Variants in GNG2 observed in about 807,000 individuals in gnomAD.
GNG2 encodes the protein G protein subunit gamma 2.
GNG2 carries 5 observed loss-of-function variants against 5.5 expected under a neutral mutation model. That is an observed-to-expected ratio of 0.91 (90% CI 0.48 to 1.92). GNG2 has a LOEUF of 1.92. Among genes scored for constraint, GNG2 ranks in the 30% most tolerant of loss-of-function variants. GNG2 has a pLI of 0.01. For missense variants in GNG2, 55 were observed against 88.4 expected (o/e 0.62, Z 1.52); for synonymous variants, 28 against 32.0 (o/e 0.88, Z 0.42).
At chr14:51,906,419 C>A (rs566038615) in intron 2 of GNG2, among the ~76,000 whole-genome samples, 1 of 152,226 alleles carries the variant, frequency 6.6e-6, no homozygotes, top group African/African-American at 2.4e-5. Flanking sequence ...AATCAATTTA[C>A]TGAGTTTTTA....
chr14:51,836,092 G>C (rs1340830396), intron 2 of GNG2, among the ~76,000 whole-genome samples: 1 of 151,528 alleles, frequency 6.6e-6, no homozygotes, highest in East Asian at 1.9e-4. Flanking sequence ...TCTCTTCCTA[G>C]TTTGCGGAAG....
intron 2 of GNG2, among the ~76,000 whole-genome samples, chr14:51,879,082 A>C (rs1201660282): frequency 6.6e-6 from 1 of 152,226 alleles, no homozygotes; most frequent in East Asian, 1.9e-4. Context: ...CTCTAGGGAG[A>C]CGTTGTGAAC....
At position 51,872,587 on chromosome 14, in the gene GNG2, A is replaced by C. The variant is rs568315433; in HGVS notation, c.-70-5030A>C. Among the ~76,000 whole-genome samples, 357 of 152,346 alleles carry C rather than the reference A, an allele frequency of 2.3e-3. 2 individuals are homozygous for C. The highest frequency in any genetic ancestry group is 6.8e-3 in the Middle Eastern group (2 of 294). On this transcript the variant is annotated intron_variant, in intron 1 of 3. Coordinates refer to ENST00000556766, the MANE Select transcript of GNG2 (RefSeq NM_053064.5). ...TTCCCTCTCACTGACAGCCTTACCC[A>C]GAATGGTGCCTTGTGAAGCAAAGGA...
chr14:51,896,877 A>G lies in GNG2; in HGVS notation c.-30+19220A>G, dbSNP rs182872753. Among the ~76,000 whole-genome samples the G allele has an allele frequency of 2.7e-3, 409 of 152,330 alleles. 2 individuals carry two copies. The highest frequency in any genetic ancestry group is 9.5e-3 in the African/African-American group (393 of 41,578). On this transcript the variant is annotated intron_variant, in intron 2 of 3. Transcript: ENST00000556766. ...TATAAGGCAGGATTATAATACATGA[A>G]CTAAAATCATAAGGAAATAGAATAA...
chr14:51,951,873 C>G (rs908386753), intron 3 of GNG2: 1 of 702,076 alleles, frequency 1.4e-6, no homozygotes, highest in South Asian at 1.5e-5. Context: ...TATTTATTCT[C>G]TGGTGTTTCA....
rs533027456 is a variant in GNG2, at chr14:51,904,154, A to G, written c.-30+26497A>G. Among the ~76,000 whole-genome samples the G allele has an allele frequency of 1.1e-4, 16 of 152,336 alleles. No homozygotes were observed. In the South Asian group the frequency reaches 3.3e-3, roughly 32 times the overall value. On this transcript the variant is annotated intron_variant, in intron 2 of 3. Coordinates refer to ENST00000556766, the MANE Select transcript of GNG2 (RefSeq NM_053064.5). ...CTATTGGATGCAAACACCACAGCTC[A>G]CACAGCCGACACCTGACCCTGGGTG...
intron 2 of GNG2, among the ~76,000 whole-genome samples, chr14:51,830,622 A>G (rs142200740): frequency 6.6e-6 from 1 of 152,232 alleles, no homozygotes; most frequent in Non-Finnish European, 1.5e-5. Context: ...CAGACTCTAC[A>G]TTGAATCCAT....
chr14:51,949,967 T>G (rs550177428), intron 2 of GNG2, among the ~76,000 whole-genome samples: 9 of 152,280 alleles, frequency 5.9e-5, no homozygotes, highest in Non-Finnish European at 1.0e-4. Flanking sequence ...TCTCAAACCC[T>G]GGCCTCAAGG....
intron 2 of GNG2, chr14:51,918,534 T>G (rs555691604): frequency 2.0e-5 from 3 of 152,242 alleles, no homozygotes; most frequent in Non-Finnish European, 4.4e-5. Context: ...GTGACCTCCA[T>G]GAGAGAATAC....
Position 51,881,424 on chromosome 14 carries a change from C to G in GNG2, c.-30+3767C>G, listed in dbSNP as rs78104807. Among the ~76,000 whole-genome samples the G allele has an allele frequency of 1.6e-3, 242 of 152,128 alleles. 6 individuals carry two copies. The East Asian group carries it at 0.025, about 16-fold the overall frequency. Reference sequence around the variant, plus strand: ...CAGCGGTGGAGCATGAGCCACTTACCCCCATGTAAAGTTGCTACATCTGGG... The same window carrying G: ...CAGCGGTGGAGCATGAGCCACTTACGCCCATGTAAAGTTGCTACATCTGGG... On this transcript the variant is annotated intron_variant, in intron 2 of 3. Coordinates refer to ENST00000556766, the MANE Select transcript of GNG2 (RefSeq NM_053064.5).
chr14:51,949,965 C>A (rs989089249), intron 2 of GNG2, among the ~76,000 whole-genome samples: 1 of 152,088 alleles, frequency 6.6e-6, no homozygotes, highest in Admixed American at 6.5e-5. Flanking sequence ...ACTCTCAAAC[C>A]CTGGCCTCAA....
chr14:51,831,058 G>C (rs1473347619), intron 2 of GNG2, among the ~76,000 whole-genome samples: 2 of 152,150 alleles, frequency 1.3e-5, no homozygotes, highest in Admixed American at 6.5e-5. Context: ...CCAGCCTCAA[G>C]TCCTTTGTAT....
chr14:51,872,897 C>G (rs1399897492), intron 1 of GNG2, among the ~76,000 whole-genome samples: 1 of 152,166 alleles, frequency 6.6e-6, no homozygotes, highest in Non-Finnish European at 1.5e-5. Context: ...TTTTATAACA[C>G]TTTACATGTG....
chr14:51,966,231 A>AAAAAAAAAAAAAAAAAG (rs61013183), intron 3 of GNG2, among the ~76,000 whole-genome samples: 31 of 108,576 alleles, frequency 2.9e-4, no homozygotes, highest in Non-Finnish European at 4.8e-4. Context: ...AAAAAAAAAA[A>AAAAAAAAAAAAAAAAAG]AAAAAACAAA....
chr14:51,947,125 T>C (rs568869975), intron 2 of GNG2, among the ~76,000 whole-genome samples: 3 of 152,280 alleles, frequency 2.0e-5, no homozygotes, highest in South Asian at 4.2e-4. Flanking sequence ...ATTTCTAGAC[T>C]ACTGCCCCAT....
chr14:51,870,371 A>G (rs1282818082), intron 1 of GNG2, among the ~76,000 whole-genome samples: 1 of 152,254 alleles, frequency 6.6e-6, no homozygotes, highest in African/African-American at 2.4e-5. Flanking sequence ...TCTAAACAAA[A>G]TATTCCAGAA....
At chr14:51,932,100 A>G (rs1185978575) in intron 2 of GNG2, among the ~76,000 whole-genome samples, 2 of 152,102 alleles carry the variant, frequency 1.3e-5, no homozygotes, top group African/African-American at 4.8e-5. Flanking sequence ...AGAAAAAATT[A>G]GCTGGGCATG....
At chr14:51,939,099 G>C (rs1594939798) in intron 2 of GNG2, among the ~76,000 whole-genome samples, 2 of 151,910 alleles carry the variant, frequency 1.3e-5, no homozygotes, top group South Asian at 2.1e-4. Flanking sequence ...CATGGTCTGG[G>C]CTTCTGTATT....
rs535765171 is a variant in GNG2 at position 51,850,804 on chromosome 14, AG to A, written c.64+23003del. Among the ~76,000 whole-genome samples, 227 of 152,248 alleles carry A rather than the reference AG, an allele frequency of 1.5e-3. 1 individual carries two copies. The highest frequency in any genetic ancestry group is 5.1e-3 in the African/African-American group (211 of 41,530). ...GCAGGAGCAAGAGAGAGAGAGTGGGAGGGGGGTGCCACCCACTTTTAAGTGA... is the reference window on the plus strand; with the variant it reads ...GCAGGAGCAAGAGAGAGAGAGTGGGAGGGGGTGCCACCCACTTTTAAGTGA... On this transcript the variant is annotated intron_variant, in intron 2 of 3. Transcript: ENST00000553432.
Sources: gnomAD v4.1 joint callset for allele counts (sites outside exome capture counted in the v4.1 genomes callset) on GRCh38, gnomAD v4.1.1 for gene constraint, MANE v1.5 for transcripts, NCBI Gene and HGNC (gene_info 2026-07-23, HGNC 2026-07-21) for gene names.